TMEM117: variants seen among roughly 807,000 people sequenced by gnomAD.
TMEM117 encodes transmembrane protein 117.
A neutral mutation model predicts 52.4 loss-of-function variants in TMEM117; 27 were observed. The observed-to-expected ratio is 0.51, with a 90% CI of 0.38 to 0.71. TMEM117 has a LOEUF of 0.71. TMEM117 is among the 30% of genes least tolerant of loss of function. The pLI is 0.00. For synonymous variants in TMEM117, 215 were observed against 206.3 expected (o/e 1.04, Z -0.36); for missense variants, 556 against 630.5 (o/e 0.88, Z 1.26).
rs141393747 is a variant in TMEM117, at chr12:43,975,306, G to T, written c.410+30964G>T. Reference sequence around the variant, plus strand: ...TGTGTGCCCTTGACTCTATATATTTGTAGTGGTTTTGGGGTCAGACTCTGC... The same window carrying T: ...TGTGTGCCCTTGACTCTATATATTTTTAGTGGTTTTGGGGTCAGACTCTGC... On this transcript the variant is annotated intron_variant, in intron 3 of 7. Coordinates refer to ENST00000266534, the MANE Select transcript of TMEM117 (RefSeq NM_032256.3). Among the ~76,000 whole-genome samples, 240 of 152,262 alleles carry T rather than the reference G, an allele frequency of 1.6e-3. 2 individuals are homozygous for T. The highest frequency in any genetic ancestry group is 0.014 in the Admixed American group (218 of 15,290).
At chr12:43,797,912 A>G in the TMEM117 span, 26 of 1,447,132 alleles carry the variant, frequency 1.8e-5, no homozygotes, top group South Asian at 3.1e-4. Context: ...CAACCTCTAT[A>G]AAATAGTATC....
chr12:44,149,948 G>A (rs1289701759), intron 4 of TMEM117, among the ~76,000 whole-genome samples: 3 of 152,254 alleles, frequency 2.0e-5, no homozygotes, highest in Non-Finnish European at 4.4e-5. Flanking sequence ...AAACTCATTG[G>A]ACACATGTAT....
rs187156049 is a variant in TMEM117, at chr12:44,221,647, A to G, written c.608+10260A>G. On this transcript the variant is annotated intron_variant, in intron 5 of 7. Transcript: ENST00000266534. ...CTAAATGGTATCTTTCAGAGAACTCAGTCTTATTTGGTTAAGTCTATTTTG... is the reference window on the plus strand; with the variant it reads ...CTAAATGGTATCTTTCAGAGAACTCGGTCTTATTTGGTTAAGTCTATTTTG... Among the ~76,000 whole-genome samples the G allele has an allele frequency of 2.6e-5, 4 of 152,206 alleles. No homozygotes were observed. In the East Asian group the frequency reaches 7.7e-4, roughly 29 times the overall value.
chr12:43,934,688 T>C (rs796092857), intron 2 of TMEM117, among the ~76,000 whole-genome samples: 34 of 152,222 alleles, frequency 2.2e-4, no homozygotes, highest in African/African-American at 8.0e-4. Flanking sequence ...GTGTTTGATA[T>C]TCTGTCAAAT....
chr12:44,038,567 G>A (rs1208491034), intron 3 of TMEM117, among the ~76,000 whole-genome samples: 1 of 152,190 alleles, frequency 6.6e-6, no homozygotes, highest in Non-Finnish European at 1.5e-5. Flanking sequence ...GACCAGTAGT[G>A]TGAGCTGAGC....
intron 2 of TMEM117, among the ~76,000 whole-genome samples, chr12:43,852,036 C>T (rs184103009): frequency 5.3e-4 from 80 of 150,690 alleles, no homozygotes; most frequent in South Asian, 1.3e-3. Context: ...CGGTGGCTCA[C>T]GTCTGTAATC....
At chr12:44,246,282 G>A (rs924775936) in intron 5 of TMEM117, among the ~76,000 whole-genome samples, 1 of 151,970 alleles carries the variant, frequency 6.6e-6, no homozygotes, top group Non-Finnish European at 1.5e-5. Context: ...GATATTCTGG[G>A]TTTTATTTTT....
intron 3 of TMEM117, among the ~76,000 whole-genome samples, chr12:44,084,287 A>G (rs1947530850): frequency 6.6e-6 from 1 of 152,132 alleles, no homozygotes; most frequent in South Asian, 2.1e-4. Flanking sequence ...TGTACTTTGA[A>G]AAGTCTTCCA....
the TMEM117 span, among the ~76,000 whole-genome samples, chr12:44,395,125 T>C: frequency 6.6e-6 from 1 of 152,204 alleles, no homozygotes; most frequent in African/African-American, 2.4e-5. Flanking sequence ...TCAGGAAAGA[T>C]AACTCTAACA....
intron 3 of TMEM117, among the ~76,000 whole-genome samples, chr12:43,961,225 A>G (rs1018168743): frequency 1.3e-5 from 2 of 152,146 alleles, no homozygotes; most frequent in Non-Finnish European, 2.9e-5. Flanking sequence ...CAGAAAACAT[A>G]TATTTTAGTT....
At chr12:44,098,114 G>A (rs1947802453) in intron 3 of TMEM117, among the ~76,000 whole-genome samples, 1 of 151,974 alleles carries the variant, frequency 6.6e-6, no homozygotes, top group African/African-American at 2.4e-5. Context: ...AATAGAATAT[G>A]CATTGGTCAG....
intron 2 of TMEM117, among the ~76,000 whole-genome samples, chr12:43,939,253 G>A (rs1945005702): frequency 6.6e-6 from 1 of 151,898 alleles, no homozygotes; most frequent in African/African-American, 2.4e-5. Flanking sequence ...TATATGGGTG[G>A]GCCAAATCAT....
At chr12:44,094,888 A>G (rs1487890415) in intron 3 of TMEM117, among the ~76,000 whole-genome samples, 2 of 152,124 alleles carry the variant, frequency 1.3e-5, no homozygotes, top group Non-Finnish European at 2.9e-5. Flanking sequence ...ACTTTTTCTA[A>G]TTTATAAACA....
At position 43,868,804 on chromosome 12, in the gene TMEM117, G is replaced by A. The variant is rs1011877492; in HGVS notation, c.277+23876G>A. Among the ~76,000 whole-genome samples the A allele has an allele frequency of 4.0e-5, 6 of 151,604 alleles. No individual in the cohort carries two copies. In the East Asian group the frequency reaches 5.8e-4, roughly 15 times the overall value. On this transcript the variant is annotated intron_variant, in intron 2 of 7. Transcript: ENST00000266534. ...TAAGGGGTTGGGAAAAGAACAAATT[G>A]AATCAAAAGTAAGTAGGAAGGAGGA...
intron 3 of TMEM117, among the ~76,000 whole-genome samples, chr12:43,986,834 C>G (rs934920641): frequency 6.6e-6 from 1 of 152,152 alleles, no homozygotes; most frequent in Non-Finnish European, 1.5e-5. Flanking sequence ...CACTAATTCT[C>G]TTTTCAGAAC....
At position 43,879,787 on chromosome 12, in the gene TMEM117, C is replaced by T. The variant is rs545147543; in HGVS notation, c.277+34859C>T. Among the ~76,000 whole-genome samples, 118 of 152,312 alleles carry T rather than the reference C, an allele frequency of 7.7e-4. No homozygotes were observed. The Middle Eastern group carries it at 0.017, about 22-fold the overall frequency. ...CTGCTGCCTTTGGAGTAATCTATCT[C>T]CAGGCCTTCCTGTGTTATCTTGAAT... On this transcript the variant is annotated intron_variant, in intron 2 of 7. Coordinates refer to ENST00000266534, the MANE Select transcript of TMEM117 (RefSeq NM_032256.3).
chr12:44,289,035 C>T (rs568085121), intron 5 of TMEM117, among the ~76,000 whole-genome samples: 13 of 152,086 alleles, frequency 8.5e-5, no homozygotes, highest in Non-Finnish European at 1.8e-4. Flanking sequence ...ACTCATAATC[C>T]CTGATATCTG....
intron 3 of TMEM117, among the ~76,000 whole-genome samples, chr12:44,039,331 C>T (rs2137891487): frequency 6.6e-6 from 1 of 151,002 alleles, no homozygotes; most frequent in Middle Eastern, 3.5e-3. Flanking sequence ...TTTTATTAAT[C>T]ACTATACCCT....
intron 6 of TMEM117, among the ~76,000 whole-genome samples, chr12:44,332,617 T>G (rs542580650): frequency 6.6e-6 from 1 of 152,056 alleles, no homozygotes; most frequent in African/African-American, 2.4e-5. Context: ...AAGTATGGAA[T>G]TTATTATAGA....
Sources: gnomAD v4.1 joint callset for allele counts (sites outside exome capture counted in the v4.1 genomes callset) on GRCh38, gnomAD v4.1.1 for gene constraint, MANE v1.5 for transcripts, NCBI Gene and HGNC (gene_info 2026-07-23, HGNC 2026-07-21) for gene names.